DLC1: variants seen among roughly 807,000 people sequenced by gnomAD.
The protein encoded by DLC1 is DLC1 Rho GTPase activating protein, also known as rho GTPase-activating protein 7.
A neutral mutation model predicts 140.3 loss-of-function variants in DLC1; 54 were observed. The observed-to-expected ratio is 0.38, with a 90% CI of 0.31 to 0.48. DLC1 has a LOEUF of 0.48. Ranked by LOEUF, DLC1 falls within the 20% of genes least tolerant of loss-of-function variation. The probability of loss-of-function intolerance (pLI) is 0.96; values close to 1 mark genes in which losing one functional copy is unlikely to be tolerated. For missense variants in DLC1, 2,536 were observed against 1,907.0 expected, an observed-to-expected ratio of 1.33 and a Z score of -6.14; for synonymous variants, 986 against 728.1, an observed-to-expected ratio of 1.35 and a Z score of -5.70.
chr8:13,321,615 A>T (rs529930633), intron 4 of DLC1, among the ~76,000 whole-genome samples: 1 of 151,426 alleles, frequency 6.6e-6, no homozygotes. Context: ...AATGTCCCCA[A>T]TGTAATGAAG....
chr8:13,313,506 T>G (rs918902840), intron 4 of DLC1, among the ~76,000 whole-genome samples: 2 of 152,188 alleles, frequency 1.3e-5, no homozygotes, highest in Non-Finnish European at 2.9e-5. Context: ...AGTATCTACA[T>G]CCTGGGGCTA....
At chr8:13,472,466 A>G (rs1281481102) in intron 2 of DLC1, among the ~76,000 whole-genome samples, 2 of 152,238 alleles carry the variant, frequency 1.3e-5, no homozygotes, top group Non-Finnish European at 2.9e-5. Context: ...TCTTGCGTAG[A>G]AATTCATTCC....
chr8:13,559,793 C>T (rs1486323980), intron 1 of DLC1, among the ~76,000 whole-genome samples: 7 of 152,120 alleles, frequency 4.6e-5, no homozygotes, highest in African/African-American at 9.7e-5. Context: ...TTTCTGTGTT[C>T]GTTTTATACA....
intron 7 of DLC1, among the ~76,000 whole-genome samples, chr8:13,109,586 A>T (rs1347489077): frequency 8.0e-6 from 1 of 125,128 alleles, no homozygotes; most frequent in Non-Finnish European, 1.9e-5. Flanking sequence ...AATAAAAAAC[A>T]GAACAAAAAA....
chr8:13,298,078 G>C (rs1832036946), intron 5 of DLC1, among the ~76,000 whole-genome samples: 1 of 152,078 alleles, frequency 6.6e-6, no homozygotes, highest in Non-Finnish European at 1.5e-5. Context: ...TCTGTCTTAT[G>C]ACCACAACAC....
At chr8:13,170,581 T>G (rs2116923978) in intron 5 of DLC1, among the ~76,000 whole-genome samples, 1 of 152,012 alleles carries the variant, frequency 6.6e-6, no homozygotes, top group East Asian at 1.9e-4. Context: ...ATACAAAAAA[T>G]TAGCTGGGCA....
intron 5 of DLC1, among the ~76,000 whole-genome samples, chr8:13,301,999 G>A (rs1186864360): frequency 2.0e-5 from 3 of 152,182 alleles, no homozygotes; most frequent in South Asian, 4.1e-4. Flanking sequence ...CGACATGATG[G>A]AAGTTATATG....
chr8:13,509,883 T>C, intron 1 of DLC1, among the ~76,000 whole-genome samples: 1 of 152,108 alleles, frequency 6.6e-6, no homozygotes, highest in African/African-American at 2.4e-5. Context: ...ATGGGAATAA[T>C]GAAAAAACTG....
chr8:13,288,251 T>A (rs191290899), intron 5 of DLC1, among the ~76,000 whole-genome samples: 10 of 152,338 alleles, frequency 6.6e-5, no homozygotes, highest in African/African-American at 2.4e-4. Flanking sequence ...ATTGTTTTTG[T>A]TTTCCTTTAA....
Position 13,100,386 on chromosome 8 carries a change from A to G in DLC1, c.1951T>C (p.Phe651Leu), listed in dbSNP as rs752406095. The G allele has an allele frequency of 3.4e-5, 55 of 1,614,054 alleles. No homozygotes were observed. The highest frequency in any genetic ancestry group is 1.0e-4 in the Admixed American group (6 of 60,012). Reference protein sequence around the residue: ...PSPKELSSFSFSMKGHEKTAK... With the variant: ...PSPKELSSFSLSMKGHEKTAK... ...GTTTTTTCGTGGCCTTTCATGCTGA[A>G]GCTGAAGCTGGACAGTTCCTTGGGA... Residue 651 changes from phenylalanine to leucine, a missense_variant, in exon 9 of 18, where the codon TTC becomes CTC. Phe to Leu is a conservative substitution (Grantham distance 22, BLOSUM62 0). Coordinates refer to ENST00000276297, the MANE Select transcript of DLC1 (RefSeq NM_182643.3).
chr8:13,210,555 TC>T (rs1254624870), intron 5 of DLC1, among the ~76,000 whole-genome samples: 1 of 152,110 alleles, frequency 6.6e-6, no homozygotes, highest in Non-Finnish European at 1.5e-5. Flanking sequence ...TAGAGGTCTA[TC>T]TTTCAAAAAC....
chr8:13,095,519 T>C, intron 10 of DLC1: 1 of 408,116 alleles, frequency 2.5e-6, no homozygotes, highest in East Asian at 4.3e-5. Flanking sequence ...TGGACAGTGC[T>C]GTTCTAGATC....
intron 1 of DLC1, among the ~76,000 whole-genome samples, chr8:13,544,566 G>GT (rs1247710191): frequency 6.6e-6 from 1 of 152,254 alleles, no homozygotes; most frequent in East Asian, 1.9e-4. Flanking sequence ...ACTGAAAAGT[G>GT]TAGCAGCTGG....
intron 1 of DLC1, among the ~76,000 whole-genome samples, chr8:13,544,015 A>T (rs2062067): frequency 0.14 from 20,832 of 152,156 alleles, 1,660 homozygotes; most frequent in Admixed American, 0.22. Context: ...ACAAAAATTT[A>T]AAAAAATAAA....
intron 4 of DLC1, among the ~76,000 whole-genome samples, chr8:13,347,684 G>A (rs1834416125): frequency 6.6e-6 from 1 of 152,128 alleles, no homozygotes; most frequent in African/African-American, 2.4e-5. Context: ...AAACAAATTG[G>A]GAAAGATGGA....
intron 5 of DLC1, among the ~76,000 whole-genome samples, chr8:13,138,321 T>G (rs1822718820): frequency 6.6e-6 from 1 of 152,182 alleles, no homozygotes; most frequent in Non-Finnish European, 1.5e-5. Flanking sequence ...CCCCTATAAT[T>G]TTATATTTGT....
chr8:13,116,258 T>C, intron 5 of DLC1: 1 of 984,180 alleles, frequency 1.0e-6, no homozygotes, highest in Non-Finnish European at 1.2e-6. Flanking sequence ...TCCCACAATC[T>C]TGGCAGGCAG....
chr8:13,542,778 T>C (rs562009428), intron 1 of DLC1, among the ~76,000 whole-genome samples: 48 of 152,306 alleles, frequency 3.2e-4, no homozygotes, highest in African/African-American at 1.1e-3. Flanking sequence ...TTTTTGGTTG[T>C]ATGTAGAAAT....
chr8:13,357,658 G>A (rs888582621), intron 4 of DLC1, among the ~76,000 whole-genome samples: 2 of 152,178 alleles, frequency 1.3e-5, no homozygotes, highest in Non-Finnish European at 2.9e-5. Flanking sequence ...CAAGAAGAGT[G>A]GTGAATTCTC....
Sources: gnomAD v4.1 joint callset for allele counts (sites outside exome capture counted in the v4.1 genomes callset) on GRCh38, gnomAD v4.1.1 for gene constraint, MANE v1.5 for transcripts, NCBI Gene and HGNC (gene_info 2026-07-23, HGNC 2026-07-21) for gene names.